The following E2F1 variants were observed in gnomAD, a reference collection of about 807,000 sequenced individuals.
The protein encoded by E2F1 is transcription factor E2F1.
E2F1 carries 7 observed loss-of-function variants against 36.9 expected under a neutral mutation model. The ratio of observed to expected loss-of-function variants is 0.19; its 90% CI spans 0.11 to 0.36. The LOEUF (loss-of-function observed/expected upper bound fraction) is 0.36. Among genes scored for constraint, E2F1 ranks in the 10% least tolerant of loss-of-function variants. The probability of loss-of-function intolerance (pLI) is 1.00; values close to 1 mark genes in which losing one functional copy is unlikely to be tolerated. For synonymous variants in E2F1, 261 were observed against 263.1 expected (o/e 0.99, Z 0.08); for missense variants, 406 against 573.6 (o/e 0.71, Z 2.99).
At chr20:33,681,188 C>G (rs1173417332) in intron 1 of E2F1, among the ~76,000 whole-genome samples, 2 of 152,040 alleles carry the variant, frequency 1.3e-5, no homozygotes, top group African/African-American at 4.8e-5. Context: ...ACAGGCGCAT[C>G]CCTCCAAGAC....
At chr20:33,680,200 A>G (rs2018005024) in intron 2 of E2F1, 126 bp downstream of exon 2, 2 of 1,094,934 alleles carry the variant, frequency 1.8e-6, no homozygotes, top group Non-Finnish European at 2.6e-6. Flanking sequence ...ACTGCCCATC[A>G]GGGTCCTCAG....
intron 3 of E2F1, among the ~76,000 whole-genome samples, chr20:33,678,910 C>A (rs575224098): frequency 6.6e-6 from 1 of 152,298 alleles, no homozygotes; most frequent in East Asian, 1.9e-4. Flanking sequence ...CTCCATACTC[C>A]AGCCTGGGCG....
chr20:33,686,076 C>T lies in E2F1; in HGVS notation c.189G>A (p.Leu63=), dbSNP rs1486511592. Residue 63 remains leucine (L), a synonymous_variant, in exon 1 of 7, where the codon CTG becomes CTA. Transcript: ENST00000343380. ...GCGCCTGCGGTGTGGCGAAGAGCAG[C>T]AGGTCAGGGTCGCAGGGGCCGGCGG... ...APAAGPCDPD[L]LLFATPQAPR... is the part of the protein sequence containing the mutation. 9.9e-6 allele frequency: 11 copies of T among 1,112,884 alleles called. No homozygotes were observed. In the East Asian group the frequency reaches 5.6e-4, roughly 57 times the overall value. The allele number at this position is 1,112,884 out of a possible 1,614,324, so 68.9% of individuals were successfully genotyped here. A position where few individuals can be genotyped will look rare whatever the true frequency, so the allele number is the denominator to read the frequency against.
Position 33,677,141 on chromosome 20 carries a change from T to C in E2F1, c.1030A>G (p.Thr344Ala), listed in dbSNP as rs2017971744. The change falls in exon 6 of 7, where the codon ACA (threonine) becomes GCA (alanine). Residue 344 changes from threonine (T) to alanine (A), a missense_variant. Thr to Ala is a moderately conservative substitution (Grantham distance 58). Around this residue, in one of 5 missense-constraint regions of E2F1, gnomAD observed 163 missense variants for 181.5 expected, o/e 0.90. Transcript: ENST00000343380. Reference protein sequence around the residue: ...PPSSPPSSLTTDPSQSLLSLE... With the variant: ...PPSSPPSSLTADPSQSLLSLE... ...CTGAGTAGAGACTGGCTGGGATCTGTGGTGAGGGATGAGGGGGGAGATGAT... is the reference window on the plus strand; with the variant it reads ...CTGAGTAGAGACTGGCTGGGATCTGCGGTGAGGGATGAGGGGGGAGATGAT... The C allele has an allele frequency of 6.2e-7, 1 of 1,607,354 alleles. No homozygotes were observed. Among genetic ancestry groups the C allele is most frequent in the African/African-American group, 1.3e-5 (1 of 74,116 alleles).
chr20:33,676,883 C>T lies in E2F1; in HGVS notation c.1163G>A (p.Arg388Gln), dbSNP rs769226220. ...AGGGAGGAGGCCGGAGAAGTCCTCC[C>T]GCACATGCTCCAGGAGCGAGTCGGC... ...VAADSLLEHV[R>Q]EDFSGLLPEE... The change falls in exon 7 of 7, where the codon CGG becomes CAG. Residue 388 changes from arginine to glutamine, a missense_variant. By Grantham distance (43) the Arg-to-Gln change is conservative. Coordinates refer to ENST00000343380, the MANE Select transcript of E2F1 (RefSeq NM_005225.3). The T allele has an allele frequency of 4.4e-6, 7 of 1,576,966 alleles. No homozygotes were observed. Among genetic ancestry groups the T allele is most frequent in the South Asian group, 2.3e-5 (2 of 86,820 alleles).
chr20:33,678,467 G>A, intron 3 of E2F1, 114 bp from the exon 4 acceptor site: 1 of 1,362,318 alleles, frequency 7.3e-7, no homozygotes, highest in Non-Finnish European at 9.9e-7. Flanking sequence ...GCCTAGGCAA[G>A]CCCTTGCTTC....
At chr20:33,680,084 CA>C in intron 2 of E2F1, 110 bp from the exon 3 acceptor site, 1 of 1,017,786 alleles carries the variant, frequency 9.8e-7, no homozygotes, top group Non-Finnish European at 1.5e-6. Context: ...GGCTGGGGGA[CA>C]GCCAGCTCCT....
At chr20:33,682,848 T>TA (rs2018030269) in intron 1 of E2F1, among the ~76,000 whole-genome samples, 1 of 152,078 alleles carries the variant, frequency 6.6e-6, no homozygotes, top group Non-Finnish European at 1.5e-5. Flanking sequence ...CCCTCACACA[T>TA]ACAGACAAGC....
chr20:33,680,345 T>C lies in E2F1; in HGVS notation c.333A>G (p.Arg111=). ...LAESSGPARG[R]GRHPGKGVKS... is the part of the protein sequence containing the mutation. ...AGGTACCTTTTCCTGGATGGCGGCC[T>C]CTGCCCCGAGCTGGCCCACTGCTCT... is the stretch of plus-strand genomic sequence containing the variant. Residue 111 remains arginine (R), a synonymous_variant, in exon 2 of 7, where the codon AGA becomes AGG. Transcript: ENST00000343380. 6.2e-7 allele frequency: 1 copy of C among 1,614,210 alleles called. No individual in the cohort carries two copies. Among genetic ancestry groups the C allele is most frequent in the South Asian group, 1.1e-5 (1 of 91,068 alleles).
At chr20:33,678,032 C>T (rs774848092) in intron 4 of E2F1, among the ~76,000 whole-genome samples, 169 bp downstream of exon 4, 4 of 152,118 alleles carry the variant, frequency 2.6e-5, no homozygotes, top group Non-Finnish European at 4.4e-5. Context: ...AAACTGAGGC[C>T]AAGAGGTTAA....
At chr20:33,680,768 T>C (rs1416497722) in intron 1 of E2F1, among the ~76,000 whole-genome samples, 3 of 152,206 alleles carry the variant, frequency 2.0e-5, no homozygotes, top group Non-Finnish European at 4.4e-5. Flanking sequence ...GGCCTGTCAC[T>C]TTTGAGACTG....
At position 33,676,650 on chromosome 20, in the gene E2F1, GGAGGAC is replaced by G; in HGVS notation, c.*76_*81del. On this transcript the variant is annotated 3_prime_UTR_variant, in exon 7 of 7. Transcript: ENST00000343380. ...AAATTAAATGTTTCCAAACAGGCTG[GGAGGAC>G]GGCCAGGGACAGGGGGCTCCAGGGC... 1 of 1,502,854 alleles carries G rather than the reference GGAGGAC, an allele frequency of 6.7e-7. No individual in the cohort carries two copies. The highest frequency in any genetic ancestry group is 1.4e-5 in the African/African-American group (1 of 71,506). 93.1% of individuals were successfully genotyped at this position (1,502,854 alleles called of 1,614,324 possible). A position where few individuals can be genotyped will look rare whatever the true frequency, so the allele number is the denominator to read the frequency against.
At position 33,677,319 on chromosome 20, in the gene E2F1, G is replaced by A. The variant is rs1403330918; in HGVS notation, c.852C>T (p.Ile284=). Residue 284 remains isoleucine, a synonymous_variant, in exon 6 of 7, where the codon ATC becomes ATT. Transcript: ENST00000343380. ...TCGGGCCTTGTTTGCTCTTAAGGGA[G>A]ATCTGAAAGTTCTGGGTGGAAGCAG... The part of the protein sequence containing the change: ...QAVDSSENFQ[I]SLKSKQGPID... 6.2e-7 allele frequency: 1 copy of A among 1,613,352 alleles called. No individual in the cohort carries two copies. The highest frequency in any genetic ancestry group is 8.5e-7 in the Non-Finnish European group (1 of 1,179,466).
At chr20:33,683,644 A>C (rs2018037846) in intron 1 of E2F1, among the ~76,000 whole-genome samples, 1 of 151,442 alleles carries the variant, frequency 6.6e-6, no homozygotes, top group South Asian at 2.1e-4. Context: ...ATGGTGGTAC[A>C]CGCCTGTAAT....
At chr20:33,684,177 G>T (rs965541646) in intron 1 of E2F1, among the ~76,000 whole-genome samples, 3 of 152,194 alleles carry the variant, frequency 2.0e-5, no homozygotes, top group Non-Finnish European at 4.4e-5. Flanking sequence ...GGAGTGGAGG[G>T]CATTTTTCTT....
Position 33,686,333 on chromosome 20 carries a change from C to G in E2F1, c.-69G>C. Reference sequence around the variant, plus strand: ...GGCGCGGGCCCATGGCGGCAGGCCTCGGCGAGGGCTCGATCCCGCTCCGCC... The same window carrying G: ...GGCGCGGGCCCATGGCGGCAGGCCTGGGCGAGGGCTCGATCCCGCTCCGCC... On this transcript the variant is annotated 5_prime_UTR_variant, in exon 1 of 7. Coordinates refer to ENST00000343380, the MANE Select transcript of E2F1 (RefSeq NM_005225.3). 2 of 990,306 alleles carry G rather than the reference C, an allele frequency of 2.0e-6. No homozygotes were observed. Among genetic ancestry groups the G allele is most frequent in the South Asian group, 4.6e-5 (1 of 21,644 alleles). The allele number at this position is 990,306 out of a possible 1,614,324, so 61.3% of individuals were successfully genotyped here. A position where few individuals can be genotyped will look rare whatever the true frequency, so the allele number is the denominator to read the frequency against.
intron 1 of E2F1, among the ~76,000 whole-genome samples, chr20:33,684,986 T>A (rs1289950353): frequency 6.6e-6 from 1 of 152,188 alleles, no homozygotes; most frequent in African/African-American, 2.4e-5. Flanking sequence ...CACCCTGCCC[T>A]GTGCCCCACA....
intron 2 of E2F1, 46 bp from the exon 3 acceptor site, chr20:33,680,020 C>A: frequency 6.8e-7 from 1 of 1,468,526 alleles, no homozygotes. Flanking sequence ...AGCATCCACC[C>A]CCACCTCCAG....
At position 33,676,472 on chromosome 20, in the gene E2F1, G is replaced by A. The variant is rs1433078545; in HGVS notation, c.*260C>T. The A allele has an allele frequency of 4.2e-6, 2 of 470,942 alleles. No homozygotes were observed. Among genetic ancestry groups the A allele is most frequent in the Non-Finnish European group, 7.5e-6 (2 of 266,442 alleles). The allele number at this position is 470,942 out of a possible 1,614,324, so 29.2% of individuals were successfully genotyped here. A position where few individuals can be genotyped will look rare whatever the true frequency, so the allele number is the denominator to read the frequency against. ...TTCCCCGGTACATGCACACACACAT[G>A]CTCACACACATTCACCCCCGGTACA... On this transcript the variant is annotated 3_prime_UTR_variant, in exon 7 of 7. Transcript: ENST00000343380.
Sources: gnomAD v4.1 joint callset for allele counts (sites outside exome capture counted in the v4.1 genomes callset) on GRCh38, gnomAD v4.1.1 for gene constraint, gnomAD v4.1.1 regional missense constraint, MANE v1.5 for transcripts, NCBI Gene and HGNC (gene_info 2026-07-23, HGNC 2026-07-21) for gene names.